IFTAP: variants seen among roughly 807,000 people sequenced by gnomAD.
The protein encoded by IFTAP is intraflagellar transport-associated protein.
A neutral mutation model predicts 19.4 loss-of-function variants in IFTAP; 19 were observed. The ratio of observed to expected loss-of-function variants is 0.98; its 90% CI spans 0.68 to 1.44. The LOEUF (loss-of-function observed/expected upper bound fraction) is 1.44, where lower values mean the gene tolerates loss of function less well. IFTAP is among the 40% of genes most tolerant of loss of function. The pLI is 0.00. For synonymous variants in IFTAP, 85 were observed against 83.5 expected, an observed-to-expected ratio of 1.02 and a Z score of -0.10; for missense variants, 240 against 253.6, an observed-to-expected ratio of 0.95 and a Z score of 0.36.
chr11:36,645,331 A>G (rs1221378782), intron 4 of IFTAP, among the ~76,000 whole-genome samples: 1 of 152,178 alleles, frequency 6.6e-6, no homozygotes, highest in East Asian at 1.9e-4. Flanking sequence ...TGGTTGAGAA[A>G]GAAGAGATTA....
intron 4 of IFTAP, among the ~76,000 whole-genome samples, chr11:36,646,100 A>T (rs189505978): frequency 1.8e-3 from 276 of 152,328 alleles, no homozygotes; most frequent in African/African-American, 6.2e-3. Context: ...TATGAAAGAA[A>T]CCATTTTTGT....
chr11:36,606,290 C>G (rs902350020), intron 1 of IFTAP, among the ~76,000 whole-genome samples: 3 of 152,140 alleles, frequency 2.0e-5, no homozygotes, highest in Admixed American at 1.3e-4. Flanking sequence ...GAAACCCCAT[C>G]TCTACTAAAA....
intron 2 of IFTAP, among the ~76,000 whole-genome samples, chr11:36,616,934 T>C (rs958168676): frequency 2.6e-5 from 4 of 151,724 alleles, no homozygotes; most frequent in African/African-American, 9.7e-5. Flanking sequence ...ACAACTTGGG[T>C]AGGTGAATCC....
In IFTAP at chr11:36,659,171, G is replaced by A; in HGVS notation, c.651G>A (p.Glu217=). Reference sequence around the variant, plus strand: ...GAAAGGACACCAGCCCAGACTTAGAGAAATCCTGTGACTGATTCACAGAGG... The same window carrying A: ...GAAAGGACACCAGCCCAGACTTAGAAAAATCCTGTGACTGATTCACAGAGG... ...QKRKDTSPDL[E]KSCD is the part of the protein sequence containing the mutation. Residue 217 remains glutamate, a synonymous_variant, in exon 6 of 6, where the codon GAG becomes GAA. Coordinates refer to ENST00000334307, the MANE Select transcript of IFTAP (RefSeq NM_138787.4). The A allele has an allele frequency of 6.3e-7, 1 of 1,583,774 alleles. No individual in the cohort carries two copies. The highest frequency in any genetic ancestry group is 8.6e-7 in the Non-Finnish European group (1 of 1,168,832).
intron 1 of IFTAP, among the ~76,000 whole-genome samples, chr11:36,605,502 A>G (rs959513023): frequency 1.3e-5 from 2 of 152,214 alleles, no homozygotes; most frequent in African/African-American, 4.8e-5. Context: ...ATCATATTTC[A>G]TAATAATGTT....
intron 5 of IFTAP, among the ~76,000 whole-genome samples, chr11:36,649,038 C>T (rs1853602872): frequency 6.6e-6 from 1 of 152,078 alleles, no homozygotes; most frequent in Admixed American, 6.6e-5. Context: ...CCTTTCTCAC[C>T]CTCCTTACTG....
intron 1 of IFTAP, among the ~76,000 whole-genome samples, chr11:36,604,887 T>A (rs1851637542): frequency 6.6e-6 from 1 of 152,172 alleles, no homozygotes; most frequent in Non-Finnish European, 1.5e-5. Flanking sequence ...TCTCACTGGA[T>A]GTTTTTCTTT....
At chr11:36,609,687 T>A (rs1195656124) in intron 1 of IFTAP, among the ~76,000 whole-genome samples, 1 of 152,162 alleles carries the variant, frequency 6.6e-6, no homozygotes, top group Non-Finnish European at 1.5e-5. Context: ...GAACAGCACC[T>A]GGTACACAGT....
chr11:36,619,690 C>T (rs1280231898), intron 2 of IFTAP, among the ~76,000 whole-genome samples: 1 of 152,018 alleles, frequency 6.6e-6, no homozygotes, highest in South Asian at 2.1e-4. Flanking sequence ...AAGTTGGAAA[C>T]GAACTGACCA....
chr11:36,596,743 G>A (rs189602642), intron 1 of IFTAP, among the ~76,000 whole-genome samples: 1 of 152,316 alleles, frequency 6.6e-6, no homozygotes, highest in African/African-American at 2.4e-5. Flanking sequence ...AGTGGTAATG[G>A]ATTCCAGATC....
In IFTAP at chr11:36,615,858, G is replaced by A. The variant is rs370238306; in HGVS notation, c.136+5619G>A. On this transcript the variant is annotated intron_variant, in intron 2 of 5. Coordinates refer to ENST00000334307, the MANE Select transcript of IFTAP (RefSeq NM_138787.4). ...TTCTAGATATACAATCATGTCGTCT[G>A]CAAAGAGGGACAATTTGACTTCCTT... 1.1e-4 allele frequency among the ~76,000 whole-genome samples: 16 copies of A among 151,906 alleles called. No individual in the cohort carries two copies. In the East Asian group the frequency reaches 1.4e-3, roughly 13 times the overall value.
At chr11:36,630,590 A>G (rs11033726) in intron 2 of IFTAP, among the ~76,000 whole-genome samples, 4,085 of 151,466 alleles carry the variant, frequency 0.027, 401 homozygotes, top group African/African-American at 0.095. Context: ...TACCTGTCAC[A>G]TAACCTGGGT....
At chr11:36,651,655 A>G (rs1422324491) in intron 5 of IFTAP, among the ~76,000 whole-genome samples, 1 of 152,202 alleles carries the variant, frequency 6.6e-6, no homozygotes, top group Non-Finnish European at 1.5e-5. Context: ...GGTAATGCCT[A>G]GGTTTTCTTC....
At chr11:36,644,786 TG>T (rs1173013843) in intron 4 of IFTAP, among the ~76,000 whole-genome samples, 1 of 135,528 alleles carries the variant, frequency 7.4e-6, no homozygotes, top group Non-Finnish European at 1.5e-5. Context: ...CACTCATAGG[TG>T]GGAATTGAAC....
intron 2 of IFTAP, among the ~76,000 whole-genome samples, chr11:36,616,576 C>T (rs1852099315): frequency 6.6e-6 from 1 of 152,076 alleles, no homozygotes; most frequent in South Asian, 2.1e-4. Flanking sequence ...GGAGTTTCAA[C>T]ACCGTTGAAT....
intron 2 of IFTAP, among the ~76,000 whole-genome samples, chr11:36,625,895 C>T (rs1056740688): frequency 6.6e-6 from 1 of 152,014 alleles, no homozygotes; most frequent in Non-Finnish European, 1.5e-5. Flanking sequence ...ATTTGAGGCC[C>T]AGGGAACAGC....
At chr11:36,620,348 G>T (rs1852247055) in intron 2 of IFTAP, among the ~76,000 whole-genome samples, 1 of 151,902 alleles carries the variant, frequency 6.6e-6, no homozygotes, top group South Asian at 2.1e-4. Flanking sequence ...CTCTTTGGGG[G>T]AACATCTGCA....
rs919151690 is a variant in IFTAP at position 36,647,943 on chromosome 11, C to T, written c.359-73C>T. 18 of 1,538,386 alleles carry T rather than the reference C, an allele frequency of 1.2e-5. No homozygotes were observed. The African/African-American group carries it at 1.9e-4, about 16-fold the overall frequency. The stretch of plus-strand genomic sequence containing the variant: ...ATATTTGCTTCATTTTCTTCGACTT[C>T]TGGGCATTTAAATGATTTAGGTAAA... On this transcript the variant is annotated intron_variant, in intron 4 of 5. Transcript: ENST00000334307.
Position 36,610,139 on chromosome 11 carries a change from T to C in IFTAP, c.36T>C (p.Asp12=). Residue 12 remains aspartate, a synonymous_variant, in exon 2 of 6, where the codon GAT becomes GAC. Transcript: ENST00000334307. The part of the protein sequence containing the change: ...SAHMSGLEIM[D]EDQLIKDVLD... ...ATATGTCAGGATTGGAAATAATGGA[T>C]GAAGATCAATTAATCAAAGACGTCT... is the stretch of plus-strand genomic sequence containing the variant. 6.2e-7 allele frequency: 1 copy of C among 1,612,862 alleles called. No individual in the cohort carries two copies. Among genetic ancestry groups the C allele is most frequent in the South Asian group, 1.1e-5 (1 of 91,014 alleles).
Sources: allele counts gnomAD v4.1 joint callset (sites outside exome capture counted in the v4.1 genomes callset), GRCh38; gene constraint gnomAD v4.1.1; transcripts MANE v1.5; gene names NCBI Gene and HGNC (gene_info 2026-07-23, HGNC 2026-07-21).